Variants in EPB41L2 observed in about 807,000 individuals in gnomAD.
EPB41L2 encodes the protein band 4.1-like protein 2.
EPB41L2 carries 43 observed loss-of-function variants against 113.0 expected under a neutral mutation model. The ratio of observed to expected loss-of-function variants is 0.38; its 90% CI spans 0.30 to 0.49. The LOEUF (loss-of-function observed/expected upper bound fraction) is 0.49. Among genes scored for constraint, EPB41L2 ranks in the 20% least tolerant of loss-of-function variants. The pLI is 0.95. For missense variants in EPB41L2, 1,147 were observed against 1,223.4 expected, an observed-to-expected ratio of 0.94 and a Z score of 0.93; for synonymous variants, 442 against 436.7, an observed-to-expected ratio of 1.01 and a Z score of -0.15.
chr6:130,954,977 T>G (rs1283340639), intron 3 of EPB41L2, 128 bp downstream of exon 3: 1 of 785,916 alleles, frequency 1.3e-6, no homozygotes, highest in African/African-American at 1.7e-5. Context: ...CCCACTTCAA[T>G]GTATTTTTTT....
intron 1 of EPB41L2, among the ~76,000 whole-genome samples, chr6:131,051,943 CT>C (rs35129658): frequency 2.8e-5 from 4 of 144,572 alleles, no homozygotes; most frequent in South Asian, 2.2e-4. Flanking sequence ...TTTTTTTTTT[CT>C]TTTTTTTTTT....
chr6:130,990,414 G>A (rs1392624815), intron 1 of EPB41L2, among the ~76,000 whole-genome samples: 1 of 151,918 alleles, frequency 6.6e-6, no homozygotes, highest in African/African-American at 2.4e-5. Flanking sequence ...ACGAAGACTA[G>A]ATGGGAGAAA....
At chr6:131,040,245 C>G (rs892526027) in intron 1 of EPB41L2, among the ~76,000 whole-genome samples, 2 of 152,172 alleles carry the variant, frequency 1.3e-5, no homozygotes, top group African/African-American at 4.8e-5. Context: ...CGAGACCAGC[C>G]TGGCCAACAT....
intron 10 of EPB41L2, 45 bp downstream of exon 10, chr6:130,894,299 C>A (rs1174556810): frequency 6.7e-7 from 1 of 1,482,282 alleles, no homozygotes; most frequent in East Asian, 2.3e-5. Flanking sequence ...GAATTACAGG[C>A]ATGTGCGATC....
rs769516006 is a variant in EPB41L2 at position 130,878,173 on chromosome 6, G to A, written c.1974C>T (p.Ser658=). Residue 658 remains serine, a synonymous_variant, in exon 14 of 20, where the codon TCC becomes TCT. Transcript: ENST00000337057. ...ATTCATTAGGGCGCGGCTCAGGTGT[G>A]GATTCCATAAAATTGCGCTTGAGTT... The part of the protein sequence containing the change: ...ISELKRNFME[S]TPEPRPNEWE... 4 of 1,613,524 alleles carry A rather than the reference G, an allele frequency of 2.5e-6. No individual in the cohort carries two copies. The highest frequency in any genetic ancestry group is 3.4e-6 in the Non-Finnish European group (4 of 1,179,838).
At chr6:131,042,680 G>A (rs932194302) in intron 1 of EPB41L2, among the ~76,000 whole-genome samples, 3 of 151,926 alleles carry the variant, frequency 2.0e-5, no homozygotes, top group Non-Finnish European at 2.9e-5. Context: ...GAAAAAAAGA[G>A]TCACTAAGGA....
chr6:131,021,501 T>C (rs1216006928), intron 1 of EPB41L2, among the ~76,000 whole-genome samples: 1 of 151,708 alleles, frequency 6.6e-6, no homozygotes, highest in Admixed American at 6.6e-5. Flanking sequence ...AAAATGGCAA[T>C]AAACAAAAAA....
At position 130,880,228 on chromosome 6, in the gene EPB41L2, A is replaced by AG. The variant is rs748588701; in HGVS notation, c.1834-23dup. The AG allele has an allele frequency of 9.1e-6, 14 of 1,545,914 alleles. No individual in the cohort carries two copies. In the African/African-American group the frequency reaches 1.6e-4, roughly 18 times the overall value. ...TTTTCTGTGAAATTAAATCACACAC[A>AG]GGGGGGAAAAGGCAAATAAACATAA... On this transcript the variant is annotated intron_variant, in intron 12 of 19. Transcript: ENST00000337057.
intron 1 of EPB41L2, among the ~76,000 whole-genome samples, chr6:131,001,566 G>A (rs1030190122): frequency 9.9e-5 from 15 of 152,098 alleles, no homozygotes; most frequent in African/African-American, 3.4e-4. Flanking sequence ...CAACACTTAA[G>A]CTGTCATCTC....
chr6:130,896,208 G>C (rs1794609025), intron 8 of EPB41L2, among the ~76,000 whole-genome samples: 1 of 152,170 alleles, frequency 6.6e-6, no homozygotes, highest in African/African-American at 2.4e-5. Flanking sequence ...GCTAATTGAT[G>C]CCAGTTGCTT....
chr6:130,957,581 GC>G (rs1263261591), intron 1 of EPB41L2, among the ~76,000 whole-genome samples: 2 of 151,396 alleles, frequency 1.3e-5, no homozygotes, highest in African/African-American at 4.9e-5. Flanking sequence ...ACATGCTTGA[GC>G]CCAGGAGTCT....
chr6:130,931,554 C>T (rs2128562537), intron 3 of EPB41L2, among the ~76,000 whole-genome samples: 1 of 152,136 alleles, frequency 6.6e-6, no homozygotes, highest in South Asian at 2.1e-4. Context: ...TATGAATGTT[C>T]CAAGTTATAA....
intron 1 of EPB41L2, among the ~76,000 whole-genome samples, chr6:131,018,691 A>G (rs1788781750): frequency 6.6e-6 from 1 of 152,216 alleles, no homozygotes; most frequent in Non-Finnish European, 1.5e-5. Context: ...ATGCATCCAT[A>G]AATACATCTA....
intron 3 of EPB41L2, among the ~76,000 whole-genome samples, chr6:130,941,302 CT>C (rs1383589675): frequency 6.6e-6 from 1 of 152,198 alleles, no homozygotes; most frequent in African/African-American, 2.4e-5. Context: ...AACAGCAAGA[CT>C]TAGCTTAAGT....
chr6:130,869,905 C>T lies in EPB41L2; in HGVS notation c.2265G>A (p.Glu755=). The change falls in exon 15 of 20, where the codon GAG becomes GAA. Residue 755 remains glutamate (E), a synonymous_variant. Coordinates refer to ENST00000337057, the MANE Select transcript of EPB41L2 (RefSeq NM_001431.4). ...CGGTCACTCGGTGGTGGGGACGGTA[C>T]TCTCCCACGTCTTCCTCCTCACTCT... ...SSESEEEDVG[E]YRPHHRVTEG... is the part of the protein sequence containing the mutation. 6.2e-7 allele frequency: 1 copy of T among 1,612,544 alleles called. No individual in the cohort carries two copies. Among genetic ancestry groups the T allele is most frequent in the South Asian group, 1.1e-5 (1 of 91,036 alleles).
intron 1 of EPB41L2, among the ~76,000 whole-genome samples, chr6:131,025,641 C>T (rs887934909): frequency 6.6e-6 from 1 of 152,216 alleles, no homozygotes; most frequent in Non-Finnish European, 1.5e-5. Context: ...TCCATCCTTT[C>T]TTTAAAACAC....
intron 1 of EPB41L2, among the ~76,000 whole-genome samples, chr6:130,982,328 A>C (rs917985351): frequency 2.0e-5 from 3 of 152,164 alleles, no homozygotes; most frequent in Non-Finnish European, 2.9e-5. Context: ...ACAACTACAA[A>C]AAATCAGCCT....
chr6:130,858,276 C>A, intron 18 of EPB41L2, 33 bp from the exon 19 acceptor site: 1 of 1,567,468 alleles, frequency 6.4e-7, no homozygotes. Context: ...CGGCTGTGAG[C>A]TGGGGAACAG....
intron 10 of EPB41L2, among the ~76,000 whole-genome samples, chr6:130,893,661 T>C (rs1229900259): frequency 6.6e-6 from 1 of 152,160 alleles, no homozygotes; most frequent in Non-Finnish European, 1.5e-5. Context: ...GTCACAATGG[T>C]TGTACTATTT....
Sources: gnomAD v4.1 joint callset for allele counts (sites outside exome capture counted in the v4.1 genomes callset) on GRCh38, gnomAD v4.1.1 for gene constraint, MANE v1.5 for transcripts, NCBI Gene and HGNC (gene_info 2026-07-23, HGNC 2026-07-21) for gene names.